Variants in MCPH1 observed in about 807,000 individuals in gnomAD.
MCPH1 encodes microcephalin 1.
In MCPH1, 104 loss-of-function variants were observed where a neutral mutation model predicts 84.5. The observed-to-expected ratio is 1.23, with a 90% CI of 1.05 to 1.45. The LOEUF (loss-of-function observed/expected upper bound fraction) is 1.45, where lower values mean the gene tolerates loss of function less well. Among genes scored for constraint, MCPH1 ranks in the 40% most tolerant of loss-of-function variants. MCPH1 has a pLI of 0.00. For missense variants in MCPH1, 1,498 were observed against 1,005.7 expected, an observed-to-expected ratio of 1.49 and a Z score of -6.62; for synonymous variants, 514 against 366.8, an observed-to-expected ratio of 1.40 and a Z score of -4.58.
chr8:6,431,253 G>A (rs1279993086), intron 3 of MCPH1, among the ~76,000 whole-genome samples: 1 of 152,038 alleles, frequency 6.6e-6, no homozygotes, highest in Non-Finnish European at 1.5e-5. Context: ...AAAAATTGTT[G>A]TGTAAAAATT....
intron 3 of MCPH1, among the ~76,000 whole-genome samples, chr8:6,425,074 A>G (rs540087715): frequency 1.3e-5 from 2 of 152,318 alleles, no homozygotes; most frequent in South Asian, 4.1e-4. Context: ...CATCGTCCTA[A>G]GGGTAGAATG....
chr8:6,427,316 G>A (rs1336450135), intron 3 of MCPH1, among the ~76,000 whole-genome samples: 2 of 152,130 alleles, frequency 1.3e-5, no homozygotes, highest in Admixed American at 6.5e-5. Context: ...CTTTATACAC[G>A]TCATACAGTT....
At chr8:6,531,774 G>A (rs1287993877) in intron 12 of MCPH1, among the ~76,000 whole-genome samples, 1 of 142,284 alleles carries the variant, frequency 7.0e-6, no homozygotes, top group Middle Eastern at 3.2e-3. Flanking sequence ...TGGAGCCATG[G>A]CAGCGCTCAG....
At position 6,643,551 on chromosome 8, in the gene MCPH1, T is replaced by C. The variant is rs116253794; in HGVS notation, c.*502T>C. ...AATTCCAGTCTTTGTGTCTTAGTCA[T>C]GATCATAATTGAAAGGTCACAGAAC... On this transcript the variant is annotated 3_prime_UTR_variant, in exon 14 of 14. Coordinates refer to ENST00000344683, the MANE Select transcript of MCPH1 (RefSeq NM_024596.5). 1,675 of 173,784 alleles carry C rather than the reference T, an allele frequency of 9.6e-3. 37 individuals are homozygous for C. The highest frequency in any genetic ancestry group is 0.037 in the African/African-American group (1,534 of 41,802). The allele number at this position is 173,784 out of a possible 1,614,324, so 10.8% of individuals were successfully genotyped here.
rs144157547 is a variant in MCPH1 at position 6,645,325 on chromosome 8, T to G, written c.*2276T>G. The G allele has an allele frequency of 6.6e-6, 1 of 152,138 alleles. No homozygotes were observed. The highest frequency in any genetic ancestry group is 2.4e-5 in the African/African-American group (1 of 41,420). The allele number at this position is 152,138 out of a possible 1,614,324, so 9.4% of individuals were successfully genotyped here. On this transcript the variant is annotated 3_prime_UTR_variant, in exon 14 of 14. Coordinates refer to ENST00000344683, the MANE Select transcript of MCPH1 (RefSeq NM_024596.5). ...GACATTACACTAAGCACATTATATG[T>G]TGTACTTCATTTTACCCTTTCAACA... is the stretch of plus-strand genomic sequence containing the variant.
Position 6,416,727 on chromosome 8 carries a change from C to T in MCPH1, c.233+1844C>T, listed in dbSNP as rs1799352160. Reference sequence around the variant, plus strand: ...TGTTGGAACAGGCCGGATGCGGTGGCTCACACCTGTAATTCCAGCACTTTG... The same window carrying T: ...TGTTGGAACAGGCCGGATGCGGTGGTTCACACCTGTAATTCCAGCACTTTG... On this transcript the variant is annotated intron_variant, in intron 3 of 13. Coordinates refer to ENST00000344683, the MANE Select transcript of MCPH1 (RefSeq NM_024596.5). Among the ~76,000 whole-genome samples, 4 of 152,140 alleles carry T rather than the reference C, an allele frequency of 2.6e-5. No homozygotes were observed. In the South Asian group the frequency reaches 6.2e-4, roughly 24 times the overall value.
intron 13 of MCPH1, chr8:6,626,693 C>T (rs531825909): frequency 7.1e-6 from 7 of 984,968 alleles, no homozygotes; most frequent in African/African-American, 7.0e-5. Flanking sequence ...TTATAAGTCA[C>T]GAAACGAAGA....
chr8:6,628,469 C>CAAAAAAAA (rs34188003), intron 13 of MCPH1, among the ~76,000 whole-genome samples: 4 of 41,602 alleles, frequency 9.6e-5, no homozygotes, highest in Non-Finnish European at 1.5e-4. Flanking sequence ...GACTCTGTCT[C>CAAAAAAAA]AAAAAAAAAA....
intron 12 of MCPH1, among the ~76,000 whole-genome samples, chr8:6,510,297 C>T (rs1340882891): frequency 6.6e-6 from 1 of 152,054 alleles, no homozygotes; most frequent in East Asian, 1.9e-4. Context: ...TCCTCACGTC[C>T]TGATGGAGAA....
intron 12 of MCPH1, chr8:6,616,375 G>T (rs1042187072): frequency 6.6e-6 from 1 of 152,238 alleles, no homozygotes; most frequent in Non-Finnish European, 1.5e-5. Flanking sequence ...AAATAGCTGG[G>T]ATTCCTTGAA....
chr8:6,637,367 G>C (rs73515128), intron 13 of MCPH1, among the ~76,000 whole-genome samples: 2,769 of 152,302 alleles, frequency 0.018, 82 homozygotes, highest in African/African-American at 0.064. Flanking sequence ...ATGATGAAGA[G>C]AAGGATGGAC....
intron 12 of MCPH1, among the ~76,000 whole-genome samples, chr8:6,531,661 G>C (rs1189488778): frequency 6.6e-6 from 1 of 152,198 alleles, no homozygotes; most frequent in Non-Finnish European, 1.5e-5. Context: ...ACAGTGGAAA[G>C]AGAACTTAGC....
At chr8:6,637,888 A>G (rs960285095) in intron 13 of MCPH1, among the ~76,000 whole-genome samples, 1 of 152,174 alleles carries the variant, frequency 6.6e-6, no homozygotes, top group African/African-American at 2.4e-5. Context: ...CATATTTTAA[A>G]TATACATTTC....
chr8:6,413,351 C>A (rs186643130), intron 2 of MCPH1, among the ~76,000 whole-genome samples: 3 of 151,708 alleles, frequency 2.0e-5, no homozygotes, highest in Admixed American at 6.6e-5. Context: ...GCCAACCATG[C>A]TGGAATTCTG....
intron 3 of MCPH1, among the ~76,000 whole-genome samples, chr8:6,415,750 T>A (rs757971768): frequency 8.5e-5 from 13 of 152,196 alleles, no homozygotes; most frequent in Non-Finnish European, 1.8e-4. Context: ...GTTTGGCTAT[T>A]TTGATTTGAG....
At position 6,499,988 on chromosome 8, in the gene MCPH1, A is replaced by T. The variant is rs548121577; in HGVS notation, c.2214+59A>T. ...AGTTTGCTGTTCTCAAGAAATTATTATAAACATAAGGGTGGACTTAAGTTT... is the reference window on the plus strand; with the variant it reads ...AGTTTGCTGTTCTCAAGAAATTATTTTAAACATAAGGGTGGACTTAAGTTT... On this transcript the variant is annotated intron_variant, in intron 12 of 13. Coordinates refer to ENST00000344683, the MANE Select transcript of MCPH1 (RefSeq NM_024596.5). 1.1e-4 allele frequency: 157 copies of T among 1,441,206 alleles called. No individual in the cohort carries two copies. The African/African-American group carries it at 2.0e-3, about 18-fold the overall frequency. 89.3% of individuals were successfully genotyped at this position (1,441,206 alleles called of 1,614,324 possible). A position where few individuals can be genotyped will look rare whatever the true frequency, so the allele number is the denominator to read the frequency against.
chr8:6,551,840 G>A (rs987961086), intron 12 of MCPH1, among the ~76,000 whole-genome samples: 25 of 152,138 alleles, frequency 1.6e-4, no homozygotes, highest in African/African-American at 5.1e-4. Flanking sequence ...GTACTTTCTC[G>A]AGCAGAATTT....
intron 3 of MCPH1, among the ~76,000 whole-genome samples, chr8:6,416,172 T>A (rs1343161004): frequency 1.3e-5 from 2 of 152,248 alleles, no homozygotes; most frequent in African/African-American, 4.8e-5. Flanking sequence ...GTTTATTAGT[T>A]CTAAATATAT....
At chr8:6,485,873 A>G (rs886990939) in intron 11 of MCPH1, among the ~76,000 whole-genome samples, 4 of 152,186 alleles carry the variant, frequency 2.6e-5, no homozygotes, top group African/African-American at 9.6e-5. Context: ...GGTAACCACG[A>G]TGACTCTCGC....
Sources: gnomAD v4.1 joint callset for allele counts (sites outside exome capture counted in the v4.1 genomes callset) on GRCh38, gnomAD v4.1.1 for gene constraint, MANE v1.5 for transcripts, NCBI Gene and HGNC (gene_info 2026-07-23, HGNC 2026-07-21) for gene names.